Variants in FAM177A1 observed in about 807,000 individuals in gnomAD.
FAM177A1 encodes family with sequence similarity 177 member A1.
FAM177A1 carries 22 observed loss-of-function variants against 26.1 expected under a neutral mutation model. That is an observed-to-expected ratio of 0.84 (90% CI 0.60 to 1.20). FAM177A1 has a LOEUF of 1.20. Ranked by LOEUF, FAM177A1 falls within the 50% of genes most tolerant of loss-of-function variation. The pLI is 0.00. For missense variants in FAM177A1, 296 were observed against 291.1 expected (o/e 1.02, Z -0.12); for synonymous variants, 95 against 99.3 (o/e 0.96, Z 0.26).
intron 1 of FAM177A1, 44 bp downstream of exon 1, chr14:35,046,672 C>T (rs2139051572): frequency 1.3e-6 from 2 of 1,498,936 alleles, no homozygotes; most frequent in Non-Finnish European, 1.8e-6. Context: ...GCCGAGCCGC[C>T]TCCTTGCCTT....
chr14:35,061,478 A>T (rs997512935), intron 2 of FAM177A1, among the ~76,000 whole-genome samples: 5 of 113,376 alleles, frequency 4.4e-5, no homozygotes, highest in East Asian at 2.8e-4. Context: ...TTTTTTTTTT[A>T]GTCTTTGTTT....
At chr14:35,058,520 G>T (rs1290832051) in intron 2 of FAM177A1, among the ~76,000 whole-genome samples, 2 of 152,068 alleles carry the variant, frequency 1.3e-5, no homozygotes, top group African/African-American at 4.8e-5. Context: ...CTTCCTGATA[G>T]ATTGACCCTT....
intron 1 of FAM177A1, among the ~76,000 whole-genome samples, chr14:35,047,769 A>T (rs1212162179): frequency 7.6e-6 from 1 of 130,766 alleles, no homozygotes; most frequent in Non-Finnish European, 1.7e-5. Flanking sequence ...AACAACAACA[A>T]CAACAACAAC....
chr14:35,066,440 C>T (rs1397621772), intron 2 of FAM177A1, among the ~76,000 whole-genome samples: 1 of 145,474 alleles, frequency 6.9e-6, no homozygotes. Flanking sequence ...GAGTGTCACT[C>T]TGTTGCCCAG....
At chr14:35,058,876 A>C (rs572009863) in intron 2 of FAM177A1, among the ~76,000 whole-genome samples, 1 of 152,240 alleles carries the variant, frequency 6.6e-6, no homozygotes, top group East Asian at 1.9e-4. Context: ...ACCTTGCCTC[A>C]GAAAAAAAAG....
intron 2 of FAM177A1, among the ~76,000 whole-genome samples, chr14:35,064,992 C>G (rs61989490): frequency 6.6e-6 from 1 of 151,996 alleles, no homozygotes; most frequent in African/African-American, 2.4e-5. Flanking sequence ...TTTTTTATAG[C>G]TGCCTGAATT....
chr14:35,045,068 G>A (rs2044841115), upstream of FAM177A1: 1 of 152,122 alleles, frequency 6.6e-6, no homozygotes, highest in Non-Finnish European at 1.5e-5. Flanking sequence ...TGTTGTTTAT[G>A]AATGCCAATT....
rs575994562 is a variant in FAM177A1 at position 35,065,772 on chromosome 14, A to G, written c.340-11378A>G. Among the ~76,000 whole-genome samples the G allele has an allele frequency of 1.3e-4, 19 of 150,262 alleles. No individual in the cohort carries two copies. The South Asian group carries it at 3.8e-3, about 30-fold the overall frequency. ...AGTGGTACGACCTCGGCTCACTGCA[A>G]CCTCCACCTCCCAGGGTCAAATGAT... is the stretch of plus-strand genomic sequence containing the variant. On this transcript the variant is annotated intron_variant, in intron 2 of 4. Transcript: ENST00000280987.
intron 2 of FAM177A1, among the ~76,000 whole-genome samples, chr14:35,075,657 C>T (rs1417588174): frequency 1.3e-5 from 2 of 152,298 alleles, no homozygotes; most frequent in South Asian, 2.1e-4. Context: ...TCAGAGTGAA[C>T]AGGCAACCTA....
chr14:35,080,378 T>G (rs1267522332), intron 4 of FAM177A1, among the ~76,000 whole-genome samples: 1 of 152,214 alleles, frequency 6.6e-6, no homozygotes, highest in African/African-American at 2.4e-5. Flanking sequence ...ACCCTACAAT[T>G]GAAGTGATAC....
chr14:35,050,227 TCA>T (rs1398896075), intron 1 of FAM177A1: 1 of 152,138 alleles, frequency 6.6e-6, no homozygotes, highest in African/African-American at 2.4e-5. Flanking sequence ...CAGGGTGGTC[TCA>T]CACCCTTGAC....
intron 2 of FAM177A1, among the ~76,000 whole-genome samples, chr14:35,062,419 G>T (rs2045173206): frequency 6.6e-6 from 1 of 152,094 alleles, no homozygotes; most frequent in African/African-American, 2.4e-5. Context: ...TGGGTGATAA[G>T]AAATCTTTTT....
chr14:35,057,386 C>T (rs1015888924), intron 2 of FAM177A1, among the ~76,000 whole-genome samples: 19 of 151,614 alleles, frequency 1.3e-4, no homozygotes, highest in African/African-American at 4.6e-4. Context: ...TATGTTATAC[C>T]TTCTTTTTTT....
chr14:35,077,524 G>A (rs1321193198), intron 3 of FAM177A1, among the ~76,000 whole-genome samples: 2 of 131,866 alleles, frequency 1.5e-5, no homozygotes, highest in Non-Finnish European at 3.1e-5. Flanking sequence ...CGCCCAGGCC[G>A]GACTGCGGAC....
At chr14:35,052,874 A>T (rs1208131499) in intron 1 of FAM177A1, among the ~76,000 whole-genome samples, 2 of 152,148 alleles carry the variant, frequency 1.3e-5, no homozygotes, top group African/African-American at 2.4e-5. Context: ...GTGAGCCGTG[A>T]TTGCACTACT....
intron 2 of FAM177A1, among the ~76,000 whole-genome samples, chr14:35,065,451 T>C (rs899131565): frequency 2.7e-5 from 4 of 148,502 alleles, no homozygotes; most frequent in East Asian, 4.0e-4. Context: ...TCCACCTGAA[T>C]AGTTTTTTTC....
intron 2 of FAM177A1, among the ~76,000 whole-genome samples, chr14:35,059,470 C>T (rs2045115134): frequency 6.6e-6 from 1 of 150,580 alleles, no homozygotes; most frequent in Admixed American, 6.6e-5. Flanking sequence ...TGTCTTTTTG[C>T]TCCTTTCTTT....
Position 35,081,283 on chromosome 14 carries a change from A to T in FAM177A1, c.*55A>T. The stretch of plus-strand genomic sequence containing the variant: ...TAAGTTTTTTTTTTTTAATACAAAA[A>T]CTTTCACATTCTTTATTCAGTGGGA... On this transcript the variant is annotated 3_prime_UTR_variant, in exon 5 of 5. Coordinates refer to ENST00000280987, the MANE Select transcript of FAM177A1 (RefSeq NM_173607.5). The T allele has an allele frequency of 6.6e-7, 1 of 1,514,884 alleles. No homozygotes were observed. The highest frequency in any genetic ancestry group is 8.9e-7 in the Non-Finnish European group (1 of 1,125,370). The allele number at this position is 1,514,884 out of a possible 1,614,324, so 93.8% of individuals were successfully genotyped here. A position where few individuals can be genotyped will look rare whatever the true frequency, so the allele number is the denominator to read the frequency against.
intron 1 of FAM177A1, among the ~76,000 whole-genome samples, chr14:35,049,102 G>A (rs1477731897): frequency 6.6e-6 from 1 of 151,988 alleles, no homozygotes; most frequent in African/African-American, 2.4e-5. Context: ...TCTTGGTCAG[G>A]CTGGTCTTGA....
Sources: gnomAD v4.1 joint callset for allele counts (sites outside exome capture counted in the v4.1 genomes callset) on GRCh38, gnomAD v4.1.1 for gene constraint, MANE v1.5 for transcripts, NCBI Gene and HGNC (gene_info 2026-07-23, HGNC 2026-07-21) for gene names.